Variants in PSTPIP1 observed in about 807,000 individuals in gnomAD.
PSTPIP1 encodes the protein proline-serine-threonine phosphatase interacting protein 1.
A neutral mutation model predicts 69.6 loss-of-function variants in PSTPIP1; 66 were observed. The observed-to-expected ratio is 0.95, with a 90% CI of 0.78 to 1.16. PSTPIP1 has a LOEUF of 1.16. PSTPIP1 is among the 50% of genes most tolerant of loss of function. PSTPIP1 has a pLI of 0.00. For synonymous variants in PSTPIP1, 266 were observed against 222.7 expected, an observed-to-expected ratio of 1.19 and a Z score of -1.73; for missense variants, 603 against 557.4, an observed-to-expected ratio of 1.08 and a Z score of -0.82.
intron 3 of PSTPIP1, among the ~76,000 whole-genome samples, chr15:77,021,869 A>G (rs567571287): frequency 4.1e-4 from 63 of 152,184 alleles, no homozygotes; most frequent in South Asian, 1.9e-3. Context: ...CCTCCCTCAG[A>G]AAGCTGTCAC....
At chr15:77,018,677 G>T in intron 3 of PSTPIP1, 146 bp downstream of exon 3, 1 of 879,832 alleles carries the variant, frequency 1.1e-6, no homozygotes, top group Non-Finnish European at 1.7e-6. Flanking sequence ...TGGTTATTGG[G>T]CATTCAGGGT....
intron 3 of PSTPIP1, among the ~76,000 whole-genome samples, chr15:77,019,625 C>T (rs2076122489): frequency 6.6e-6 from 1 of 152,238 alleles, no homozygotes. Flanking sequence ...CTCGGCCAAT[C>T]TGAGCTGTGG....
chr15:77,028,519 T>C (rs2076339465), intron 6 of PSTPIP1, 35 bp from the exon 7 acceptor site: 2 of 1,533,372 alleles, frequency 1.3e-6, no homozygotes, highest in Non-Finnish European at 1.8e-6. Flanking sequence ...AACAGGGCTG[T>C]GCAGCCCCCA....
intron 8 of PSTPIP1, among the ~76,000 whole-genome samples, chr15:77,030,222 T>C (rs540628243): frequency 5.3e-5 from 8 of 152,192 alleles, no homozygotes; most frequent in African/African-American, 1.9e-4. Context: ...GAAAGTGAGG[T>C]GGGGCGCCCA....
Position 77,032,879 on chromosome 15 carries a change from A to G in PSTPIP1, c.856A>G (p.Asn286Asp), listed in dbSNP as rs377437961. Reference protein sequence around the residue: ...TEPPAPVPYQNYYDREVTPLT... With the variant: ...TEPPAPVPYQDYYDREVTPLT... ...GTCTGCAGCTCCGGTGCCCTACCAG[A>G]ACTATTACGATCGGGAGGTCACCCC... Residue 286 changes from asparagine (N) to aspartate (D), a missense_variant, in exon 12 of 15, where the codon AAC becomes GAC. Transcript: ENST00000558012. 1.1e-4 allele frequency: 171 copies of G among 1,596,288 alleles called. No individual in the cohort carries two copies. The highest frequency in any genetic ancestry group is 2.3e-5 in the Non-Finnish European group (27 of 1,171,940).
chr15:77,015,427 C>A (rs573872239), intron 1 of PSTPIP1, among the ~76,000 whole-genome samples: 1 of 152,148 alleles, frequency 6.6e-6, no homozygotes, highest in East Asian at 1.9e-4. Flanking sequence ...GCTATGATAC[C>A]CTTGGTGCAG....
rs990986006 is a variant in PSTPIP1, at chr15:77,032,387, G to T, written c.831G>T (p.Glu277Asp). 15 of 1,612,542 alleles carry T rather than the reference G, an allele frequency of 9.3e-6. No individual in the cohort carries two copies. Among genetic ancestry groups the T allele is most frequent in the East Asian group, 4.5e-5 (2 of 44,902 alleles). ...SFIQAKSTGT[E>D]PPAPVPYQNY... ...TCCAGGCCAAGAGCACGGGCACAGAGCCCCCCGGTGAGGTCCGGCTTGCGG... is the reference window on the plus strand; with the variant it reads ...TCCAGGCCAAGAGCACGGGCACAGATCCCCCCGGTGAGGTCCGGCTTGCGG... Residue 277 changes from glutamate (E) to aspartate (D), a missense_variant, in exon 11 of 15, where the codon GAG becomes GAT. Physicochemically the swap from Glu to Asp is conservative, Grantham distance 45. Transcript: ENST00000558012.
upstream of PSTPIP1, chr15:76,995,064 G>A: frequency 1.7e-6 from 2 of 1,186,270 alleles, no homozygotes; most frequent in Non-Finnish European, 2.1e-6. Context: ...CTGCACAGGG[G>A]AGCACAGCAA....
In PSTPIP1 at chr15:77,028,642, A is replaced by T; in HGVS notation, c.506A>T (p.Gln169Leu). Reference sequence around the variant, plus strand: ...ATTAGCGCCAACGGCCACCAGAAGCAGGTGGAGAAGGTGCGCTGGGCTGCT... The same window carrying T: ...ATTAGCGCCAACGGCCACCAGAAGCTGGTGGAGAAGGTGCGCTGGGCTGCT... ...ERISANGHQK[Q>L]VEKSQNKARQ... is the part of the protein sequence containing the mutation. Residue 169 changes from glutamine (Q) to leucine (L), a missense_variant, in exon 7 of 15, where the codon CAG becomes CTG. Physicochemically the swap from Gln to Leu is moderately radical, Grantham distance 113. Coordinates refer to ENST00000558012, the MANE Select transcript of PSTPIP1 (RefSeq NM_003978.5). 1 of 1,568,716 alleles carries T rather than the reference A, an allele frequency of 6.4e-7. No individual in the cohort carries two copies. Among genetic ancestry groups the T allele is most frequent in the Non-Finnish European group, 8.6e-7 (1 of 1,157,908 alleles).
chr15:77,027,725 A>G lies in PSTPIP1; in HGVS notation c.355-127A>G, dbSNP rs2076313261. 1.9e-6 allele frequency: 2 copies of G among 1,079,138 alleles called. No individual in the cohort carries two copies. The highest frequency in any genetic ancestry group is 1.4e-6 in the Non-Finnish European group (1 of 723,500). 66.8% of individuals were successfully genotyped at this position (1,079,138 alleles called of 1,614,324 possible). A position where few individuals can be genotyped will look rare whatever the true frequency, so the allele number is the denominator to read the frequency against. On this transcript the variant is annotated intron_variant, in intron 5 of 14. Transcript: ENST00000558012. The surrounding 1 kb of genome is among the most constrained non-coding windows in gnomAD (Gnocchi z 4.3). ...CAGCAGGCTCTGGGGGAGGGAGGGC[A>G]GCCTGTCACCCTCTCTCCAGAGCCA... is the stretch of plus-strand genomic sequence containing the variant.
At chr15:77,036,900 C>T in intron 14 of PSTPIP1, 145 bp from the exon 15 acceptor site, 2 of 1,083,120 alleles carry the variant, frequency 1.8e-6, no homozygotes, top group South Asian at 3.1e-5. Context: ...TGGGTTACCC[C>T]CATCCTGTGT....
chr15:77,013,647 G>T (rs947111276), intron 1 of PSTPIP1, among the ~76,000 whole-genome samples: 2 of 152,078 alleles, frequency 1.3e-5, no homozygotes, highest in African/African-American at 4.8e-5. Context: ...TCTCCTAGGG[G>T]CTCCTCTCTC....
At position 77,037,197 on chromosome 15, in the gene PSTPIP1, C is replaced by T. The variant is rs376276381; in HGVS notation, c.*21C>T. 2.9e-4 allele frequency: 455 copies of T among 1,573,786 alleles called. No individual in the cohort carries two copies. Among genetic ancestry groups the T allele is most frequent in the African/African-American group, 2.8e-3 (209 of 74,014 alleles). ...TTTGAGGAAGGGCCAGGAGCCCCTTCGGACCTGCCCTGCCAGTGGAGCCAG... is the reference window on the plus strand; with the variant it reads ...TTTGAGGAAGGGCCAGGAGCCCCTTTGGACCTGCCCTGCCAGTGGAGCCAG... On this transcript the variant is annotated 3_prime_UTR_variant, in exon 15 of 15. Coordinates refer to ENST00000558012, the MANE Select transcript of PSTPIP1 (RefSeq NM_003978.5).
At chr15:77,008,078 G>C (rs1419472093) in intron 1 of PSTPIP1, 3 of 456,166 alleles carry the variant, frequency 6.6e-6, no homozygotes, top group Non-Finnish European at 1.3e-5. Context: ...AAGCAGAGCT[G>C]GGGGTGGAGG....
intron 7 of PSTPIP1, 118 bp downstream of exon 7, chr15:77,028,770 C>T: frequency 1.1e-6 from 1 of 882,436 alleles, no homozygotes; most frequent in South Asian, 2.0e-5. Flanking sequence ...CTGCTTAGCC[C>T]TCTCTGACCC....
chr15:77,025,167 A>C (rs1289636954), intron 3 of PSTPIP1, 117 bp from the exon 4 acceptor site: 1 of 1,179,506 alleles, frequency 8.5e-7, no homozygotes, highest in Non-Finnish European at 1.3e-6. Flanking sequence ...AGAGTGACCC[A>C]GGGTCTTCCC....
intron 3 of PSTPIP1, among the ~76,000 whole-genome samples, chr15:77,020,459 A>G (rs896443138): frequency 1.3e-5 from 2 of 151,938 alleles, no homozygotes; most frequent in African/African-American, 4.8e-5. Context: ...GTTGCTCTTG[A>G]CCCATGTGGC....
At chr15:77,005,946 T>C (rs1313548844) in intron 1 of PSTPIP1, among the ~76,000 whole-genome samples, 1 of 152,232 alleles carries the variant, frequency 6.6e-6, no homozygotes, top group African/African-American at 2.4e-5. Context: ...GCCATGAACA[T>C]TGGTGTACAA....
At chr15:77,007,468 G>A (rs1237407165) in intron 1 of PSTPIP1, among the ~76,000 whole-genome samples, 1 of 152,104 alleles carries the variant, frequency 6.6e-6, no homozygotes, top group African/African-American at 2.4e-5. Flanking sequence ...ATTAGCTGGG[G>A]CGTGGTGGTG....
Sources: gnomAD v4.1 joint callset for allele counts (sites outside exome capture counted in the v4.1 genomes callset) on GRCh38, gnomAD v4.1.1 for gene constraint, Gnocchi (gnomAD v3.1) non-coding constraint, MANE v1.5 for transcripts, NCBI Gene and HGNC (gene_info 2026-07-23, HGNC 2026-07-21) for gene names.